PRCC: variants seen among roughly 807,000 people sequenced by gnomAD.
PRCC encodes the protein proline rich mitotic checkpoint control factor.
A neutral mutation model predicts 44.0 loss-of-function variants in PRCC; 10 were observed. That is an observed-to-expected ratio of 0.23 (90% CI 0.14 to 0.39). The LOEUF (loss-of-function observed/expected upper bound fraction) is 0.39, where lower values mean the gene tolerates loss of function less well. PRCC is among the 10% of genes least tolerant of loss of function. PRCC has a pLI of 1.00. For missense variants in PRCC, 573 were observed against 624.7 expected (o/e 0.92, Z 0.88); for synonymous variants, 278 against 259.5 (o/e 1.07, Z -0.69).
chr1:156,787,726 C>G (rs1156366581), intron 3 of PRCC, among the ~76,000 whole-genome samples: 3 of 133,708 alleles, frequency 2.2e-5, no homozygotes, highest in African/African-American at 8.2e-5. Flanking sequence ...CTTGGCTCAG[C>G]TGCAACCTCT....
chr1:156,787,449 TGATATATATATATATATATATATATATA>T (rs1453693566), intron 3 of PRCC, among the ~76,000 whole-genome samples: 2 of 59,944 alleles, frequency 3.3e-5, no homozygotes, highest in Admixed American at 1.6e-4. Flanking sequence ...TATTTGTGAT[TGATATATATATATATATATATATATATA>T]TATATATATA....
intron 4 of PRCC, among the ~76,000 whole-genome samples, chr1:156,792,424 A>G (rs1002202174): frequency 6.6e-6 from 1 of 151,942 alleles, no homozygotes; most frequent in Non-Finnish European, 1.5e-5. Context: ...ATATGGCCGT[A>G]TCTAGTTGTT....
intron 1 of PRCC, among the ~76,000 whole-genome samples, chr1:156,772,972 G>A (rs1651687561): frequency 6.6e-6 from 1 of 152,212 alleles, no homozygotes; most frequent in Non-Finnish European, 1.5e-5. Context: ...GTTTATCGGG[G>A]TGTCTATGGA....
rs143653545 is a variant in PRCC at position 156,794,052 on chromosome 1, G to A, written c.1180-613G>A. 4.6e-3 allele frequency among the ~76,000 whole-genome samples: 680 copies of A among 147,506 alleles called. 2 individuals are homozygous for A. The highest frequency in any genetic ancestry group is 7.7e-3 in the Non-Finnish European group (519 of 67,456). Reference sequence around the variant, plus strand: ...GGCTCTCTGCAACCTCTGCCTCCTGGTTTCAAGCGATTCTCCTGACTCAGC... The same window carrying A: ...GGCTCTCTGCAACCTCTGCCTCCTGATTTCAAGCGATTCTCCTGACTCAGC... On this transcript the variant is annotated intron_variant, in intron 4 of 6. Coordinates refer to ENST00000271526, the MANE Select transcript of PRCC (RefSeq NM_005973.5).
At chr1:156,780,778 G>A (rs921226180) in intron 1 of PRCC, among the ~76,000 whole-genome samples, 1 of 151,904 alleles carries the variant, frequency 6.6e-6, no homozygotes, top group African/African-American at 2.4e-5. Context: ...CTGTCACCCA[G>A]ACTGGATTGC....
At chr1:156,787,290 AT>A in intron 3 of PRCC, 116 bp downstream of exon 3, 1 of 1,169,016 alleles carries the variant, frequency 8.6e-7, no homozygotes, top group Non-Finnish European at 1.2e-6. Context: ...AACCTTCTCT[AT>A]TTATTAGGCC....
At chr1:156,772,616 A>C (rs1651673762) in intron 1 of PRCC, among the ~76,000 whole-genome samples, 1 of 152,256 alleles carries the variant, frequency 6.6e-6, no homozygotes, top group Admixed American at 6.5e-5. Context: ...TCCAAAGCAC[A>C]CAGAAATTTC....
chr1:156,792,609 A>G (rs750446985), intron 4 of PRCC, among the ~76,000 whole-genome samples: 1 of 152,028 alleles, frequency 6.6e-6, no homozygotes, highest in Non-Finnish European at 1.5e-5. Context: ...ATGTGCCACC[A>G]TGTCCAGCTA....
intron 1 of PRCC, among the ~76,000 whole-genome samples, chr1:156,779,140 T>TC (rs1651951268): frequency 1.9e-5 from 1 of 52,940 alleles, no homozygotes; most frequent in African/African-American, 8.7e-5. Flanking sequence ...TTTTTTTTTT[T>TC]TTTTTTTTTT....
chr1:156,779,129 T>TATATATATATATATATATATATATATA (rs1491456608), intron 1 of PRCC, among the ~76,000 whole-genome samples: 2 of 16,392 alleles, frequency 1.2e-4, no homozygotes, highest in Non-Finnish European at 2.0e-4. Context: ...TATATATATA[T>TATATATATATATATATATATATATATA]TTTTTTTTTT....
Position 156,791,733 on chromosome 1 carries a change from C to G in PRCC, c.1120C>G (p.Pro374Ala), listed in dbSNP as rs756825025. 6.2e-7 allele frequency: 1 copy of G among 1,613,970 alleles called. No homozygotes were observed. Among genetic ancestry groups the G allele is most frequent in the Non-Finnish European group, 8.5e-7 (1 of 1,179,984 alleles). The change falls in exon 4 of 7, where the codon CCG (proline) becomes GCG (alanine). Residue 374 changes from proline to alanine, a missense_variant. Around this residue, in one of 4 missense-constraint regions of PRCC, gnomAD observed 141 missense variants for 130.2 expected, o/e 1.08. Transcript: ENST00000271526. ...YSGGYYPAQD[P>A]ALVPPQEIAP... ...TGGTGGCTACTATCCTGCACAGGAC[C>G]CGGCCCTGGTCCCCCCCCAGGAAAT...
At chr1:156,797,639 G>T (rs1389331289) in intron 6 of PRCC, among the ~76,000 whole-genome samples, 1 of 152,036 alleles carries the variant, frequency 6.6e-6, no homozygotes. Context: ...GTTTATCATA[G>T]GGTTCTTTTA....
chr1:156,795,285 G>T (rs1253006293), intron 5 of PRCC, among the ~76,000 whole-genome samples: 33 of 36,050 alleles, frequency 9.2e-4, no homozygotes, highest in Admixed American at 2.2e-3. Context: ...ATTTTCTGGT[G>T]TTTTTTTTTT....
chr1:156,800,646 C>T lies in PRCC; in HGVS notation c.*186C>T. The T allele has an allele frequency of 1.7e-6, 1 of 601,416 alleles. No homozygotes were observed. Among genetic ancestry groups the T allele is most frequent in the East Asian group, 2.8e-5 (1 of 35,350 alleles). The allele number at this position is 601,416 out of a possible 1,614,324, so 37.3% of individuals were successfully genotyped here. ...ACAAGTTAGAAAATTCAGCTCCTTT[C>T]TGTCCTGGAGCTAGCAAAGACTTGT... On this transcript the variant is annotated 3_prime_UTR_variant, in exon 7 of 7. Coordinates refer to ENST00000271526, the MANE Select transcript of PRCC (RefSeq NM_005973.5).
In PRCC at chr1:156,787,060, C is replaced by T. The variant is rs1282798699; in HGVS notation, c.969C>T (p.Phe323=). The change falls in exon 3 of 7, where the codon TTC becomes TTT. Residue 323 remains phenylalanine, a synonymous_variant. Transcript: ENST00000271526. The part of the protein sequence containing the change: ...QDDAANAPLE[F]KMAAGSSGAP... ...ATGCAGCCAATGCCCCCCTTGAATT[C>T]AAGATGGCAGCAGGTTCAAGTGGGG... 2 of 1,614,180 alleles carry T rather than the reference C, an allele frequency of 1.2e-6. No homozygotes were observed. The highest frequency in any genetic ancestry group is 3.3e-5 in the Admixed American group (2 of 60,010).
At chr1:156,776,655 T>TG (rs1407088580) in intron 1 of PRCC, among the ~76,000 whole-genome samples, 8 of 152,232 alleles carry the variant, frequency 5.3e-5, no homozygotes, top group African/African-American at 1.9e-4. Context: ...TCAAAGGATC[T>TG]GAAAAATAAG....
intron 4 of PRCC, 103 bp downstream of exon 4, chr1:156,791,895 A>C: frequency 1.9e-6 from 2 of 1,046,182 alleles, no homozygotes; most frequent in Non-Finnish European, 2.8e-6. Flanking sequence ...AAAAGACAAA[A>C]CTGTATCAGG....
Position 156,780,251 on chromosome 1 carries a change from G to T in PRCC, c.469-2031G>T, listed in dbSNP as rs576048553. 2.0e-5 allele frequency among the ~76,000 whole-genome samples: 3 copies of T among 151,540 alleles called. No individual in the cohort carries two copies. In the East Asian group the frequency reaches 5.9e-4, roughly 30 times the overall value. ...CTTTTGTATTTTTAGTAGAGACGGGGTTTTACCATGTTGTCTGGGCTGGTC... is the reference window on the plus strand; with the variant it reads ...CTTTTGTATTTTTAGTAGAGACGGGTTTTTACCATGTTGTCTGGGCTGGTC... On this transcript the variant is annotated intron_variant, in intron 1 of 6. Transcript: ENST00000271526.
intron 4 of PRCC, 94 bp downstream of exon 4, chr1:156,791,886 A>C (rs534431436): frequency 2.2e-5 from 25 of 1,155,412 alleles, no homozygotes; most frequent in Non-Finnish European, 1.9e-5. Flanking sequence ...CACACACACA[A>C]AAGACAAAAC....
Sources: gnomAD v4.1 joint callset for allele counts (sites outside exome capture counted in the v4.1 genomes callset) on GRCh38, gnomAD v4.1.1 for gene constraint, gnomAD v4.1.1 regional missense constraint, MANE v1.5 for transcripts, NCBI Gene and HGNC (gene_info 2026-07-23, HGNC 2026-07-21) for gene names.